The following PDE4B variants were observed in gnomAD, a reference collection of about 807,000 sequenced individuals.
The protein encoded by PDE4B is 3',5'-cyclic-AMP phosphodiesterase 4B.
PDE4B carries 20 observed loss-of-function variants against 82.2 expected under a neutral mutation model. That is an observed-to-expected ratio of 0.24 (90% CI 0.17 to 0.35). The LOEUF (loss-of-function observed/expected upper bound fraction) is 0.35. Among genes scored for constraint, PDE4B ranks in the 10% least tolerant of loss-of-function variants. PDE4B has a pLI of 1.00. For synonymous variants in PDE4B, 320 were observed against 318.9 expected (o/e 1.00, Z -0.04); for missense variants, 655 against 907.2 (o/e 0.72, Z 3.57).
chr1:66,003,847 A>C (rs1652002954), intron 3 of PDE4B, among the ~76,000 whole-genome samples: 1 of 152,152 alleles, frequency 6.6e-6, no homozygotes, highest in African/African-American at 2.4e-5. Flanking sequence ...GTTGAAATTC[A>C]TATGCAAATT....
intron 1 of PDE4B, among the ~76,000 whole-genome samples, chr1:65,858,873 A>G (rs1467530773): frequency 6.6e-6 from 1 of 152,178 alleles, no homozygotes; most frequent in Non-Finnish European, 1.5e-5. Flanking sequence ...AGAAAAAAAG[A>G]TGCAGTTCAG....
intron 1 of PDE4B, among the ~76,000 whole-genome samples, chr1:65,873,755 C>A (rs1474820632): frequency 5.9e-5 from 9 of 152,142 alleles, no homozygotes; most frequent in Non-Finnish European, 2.9e-5. Flanking sequence ...TGGAATTCTA[C>A]ATATATGTGT....
At chr1:65,855,043 AT>A (rs1254094246) in intron 1 of PDE4B, among the ~76,000 whole-genome samples, 29 of 151,636 alleles carry the variant, frequency 1.9e-4, no homozygotes, top group African/African-American at 6.5e-4. Context: ...TAGATATTTC[AT>A]TTGATTATTT....
At chr1:66,086,070 C>T (rs944032755) in intron 3 of PDE4B, among the ~76,000 whole-genome samples, 4 of 152,052 alleles carry the variant, frequency 2.6e-5, no homozygotes, top group African/African-American at 7.2e-5. Context: ...ATTCTGTTCT[C>T]GCTATAGGGA....
At chr1:66,255,701 A>G (rs1388873965) in intron 4 of PDE4B, among the ~76,000 whole-genome samples, 1 of 152,202 alleles carries the variant, frequency 6.6e-6, no homozygotes, top group African/African-American at 2.4e-5. Context: ...TGTAATTGTC[A>G]TGTTTCCTTT....
chr1:66,131,638 T>TATATATATC (rs1553149837), intron 3 of PDE4B, among the ~76,000 whole-genome samples: 2 of 120,278 alleles, frequency 1.7e-5, no homozygotes, highest in African/African-American at 3.0e-5. Context: ...TATATATATA[T>TATATATATC]TACTAACCAG....
At chr1:65,899,502 C>G (rs1397724848) in intron 1 of PDE4B, among the ~76,000 whole-genome samples, 1 of 151,632 alleles carries the variant, frequency 6.6e-6, no homozygotes, top group African/African-American at 2.4e-5. Flanking sequence ...AGTCATTATA[C>G]AAAAAAGATA....
chr1:65,810,992 A>T (rs1230874977), intron 1 of PDE4B, among the ~76,000 whole-genome samples: 2 of 152,200 alleles, frequency 1.3e-5, no homozygotes, highest in East Asian at 3.8e-4. Flanking sequence ...TGTCTCGTGC[A>T]TTGCAGGGTG....
At chr1:65,924,977 C>T (rs921342011) in intron 3 of PDE4B, among the ~76,000 whole-genome samples, 6 of 152,290 alleles carry the variant, frequency 3.9e-5, no homozygotes, top group Middle Eastern at 3.4e-3. Context: ...AGGTCTTACA[C>T]ATGCACAGGG....
chr1:66,223,621 T>C (rs1651182728), intron 3 of PDE4B, among the ~76,000 whole-genome samples: 1 of 152,162 alleles, frequency 6.6e-6, no homozygotes, highest in Non-Finnish European at 1.5e-5. Context: ...CTTTCCTTGC[T>C]CCAACTGACA....
intron 7 of PDE4B, among the ~76,000 whole-genome samples, chr1:66,279,486 G>A (rs1042417327): frequency 6.6e-6 from 1 of 152,102 alleles, no homozygotes; most frequent in African/African-American, 2.4e-5. Flanking sequence ...TTAGCCAGAT[G>A]TGGTGGCACA....
At chr1:66,289,641 A>G (rs944309722) in intron 7 of PDE4B, among the ~76,000 whole-genome samples, 4 of 152,002 alleles carry the variant, frequency 2.6e-5, no homozygotes, top group Admixed American at 6.6e-5. Flanking sequence ...GGTGGTGGTA[A>G]GCTATTTGGA....
At chr1:66,103,542 G>T (rs1341387909) in intron 3 of PDE4B, among the ~76,000 whole-genome samples, 6 of 152,206 alleles carry the variant, frequency 3.9e-5, no homozygotes, top group Non-Finnish European at 8.8e-5. Context: ...GCATGATAAA[G>T]CTCTAGAAGC....
At chr1:66,026,147 A>G (rs1653420811) in intron 3 of PDE4B, among the ~76,000 whole-genome samples, 1 of 152,202 alleles carries the variant, frequency 6.6e-6, no homozygotes, top group South Asian at 2.1e-4. Flanking sequence ...ACTTTTACAA[A>G]CCTAGGAAAT....
chr1:66,132,085 T>G (rs747825085), intron 3 of PDE4B, among the ~76,000 whole-genome samples: 7 of 152,276 alleles, frequency 4.6e-5, no homozygotes, highest in South Asian at 2.1e-4. Context: ...GGAAAGAGAA[T>G]TTGGATTTTA....
At position 65,855,921 on chromosome 1, in the gene PDE4B, A is replaced by G. The variant is rs545966498; in HGVS notation, c.-70-57324A>G. ...GTCATAGTGATTGCAGTCCTGTATC[A>G]TCTCTTTTTCTAGGTCTGAAAGTGT... On this transcript the variant is annotated intron_variant, in intron 1 of 16. Coordinates refer to ENST00000341517, the MANE Select transcript of PDE4B (RefSeq NM_002600.4). 1.3e-4 allele frequency among the ~76,000 whole-genome samples: 20 copies of G among 152,206 alleles called. 1 individual carries two copies. Among genetic ancestry groups the G allele is most frequent in the African/African-American group, 4.8e-4 (20 of 41,538 alleles).
At chr1:65,810,243 A>C (rs1410751930) in intron 1 of PDE4B, among the ~76,000 whole-genome samples, 1 of 152,172 alleles carries the variant, frequency 6.6e-6, no homozygotes, top group African/African-American at 2.4e-5. Flanking sequence ...ATTTATTTTG[A>C]CCTAAGTACC....
intron 3 of PDE4B, among the ~76,000 whole-genome samples, chr1:66,155,095 C>T (rs1646476528): frequency 6.6e-6 from 1 of 152,082 alleles, no homozygotes; most frequent in South Asian, 2.1e-4. Context: ...TGCCACTGCA[C>T]TCCTGCCTGG....
chr1:66,261,353 G>A (rs1034296644), intron 6 of PDE4B, among the ~76,000 whole-genome samples: 15 of 152,102 alleles, frequency 9.9e-5, no homozygotes, highest in Admixed American at 7.9e-4. Flanking sequence ...ACCCCCACCC[G>A]AACACACACA....
Sources: gnomAD v4.1 joint callset for allele counts (sites outside exome capture counted in the v4.1 genomes callset) on GRCh38, gnomAD v4.1.1 for gene constraint, MANE v1.5 for transcripts, NCBI Gene and HGNC (gene_info 2026-07-23, HGNC 2026-07-21) for gene names.